SIK3: variants seen among roughly 807,000 people sequenced by gnomAD.
SIK3 encodes the protein SIK family kinase 3.
Under a neutral mutation model 144.2 loss-of-function variants are expected in SIK3, and 28 were observed. The ratio of observed to expected loss-of-function variants is 0.19; its 90% confidence interval spans 0.14 to 0.27. SIK3 has a LOEUF of 0.27. SIK3 is among the 10% of genes least tolerant of loss of function. SIK3 has a pLI of 1.00. For synonymous variants in SIK3, 686 were observed against 676.3 expected (o/e 1.01, Z -0.22); for missense variants, 1,319 against 1,776.0 (o/e 0.74, Z 4.62).
chr11:116,957,983 A>T (rs1949205940), intron 1 of SIK3, among the ~76,000 whole-genome samples: 1 of 152,190 alleles, frequency 6.6e-6, no homozygotes, highest in Admixed American at 6.5e-5. Context: ...ACTTTTAAAA[A>T]TTTACTAAAT....
In SIK3 at chr11:116,847,348, G is replaced by C; in HGVS notation, c.3952+128C>G. 4 of 1,329,836 alleles carry C rather than the reference G, an allele frequency of 3.0e-6. No homozygotes were observed. In the South Asian group the frequency reaches 5.2e-5, roughly 17 times the overall value. The allele number at this position is 1,329,836 out of a possible 1,614,324, so 82.4% of individuals were successfully genotyped here. A position where few individuals can be genotyped will look rare whatever the true frequency, so the allele number is the denominator to read the frequency against. ...CCAGTGGGGAAAGGGGCTGTGTCCA[G>C]AACCTGTGGGATGCTGTGGCTCTAC... On this transcript the variant is annotated intron_variant, in intron 23 of 24. Coordinates refer to ENST00000445177, the MANE Select transcript of SIK3 (RefSeq NM_001366686.3).
intron 13 of SIK3, among the ~76,000 whole-genome samples, chr11:116,871,466 T>C (rs1943968359): frequency 6.6e-6 from 1 of 152,114 alleles, no homozygotes; most frequent in Non-Finnish European, 1.5e-5. Context: ...AATAACACAC[T>C]AAGAAGTTTG....
chr11:116,856,811 T>A (rs982127177), intron 21 of SIK3: 4 of 152,238 alleles, frequency 2.6e-5, no homozygotes, highest in Non-Finnish European at 4.4e-5. Flanking sequence ...CAGGACCGAA[T>A]TCCCCCTGGG....
chr11:117,001,913 A>C (rs2135615560), intron 1 of SIK3, among the ~76,000 whole-genome samples: 1 of 152,330 alleles, frequency 6.6e-6, no homozygotes, highest in African/African-American at 2.4e-5. Context: ...TAAAAAAAGA[A>C]AAATCAGAAG....
chr11:117,092,448 T>A (rs928019180), intron 1 of SIK3, among the ~76,000 whole-genome samples: 2 of 152,156 alleles, frequency 1.3e-5, no homozygotes, highest in Non-Finnish European at 2.9e-5. Context: ...GACCACTCTA[T>A]CTGAGGCAGC....
rs546449234 is a variant in SIK3 at position 116,956,934 on chromosome 11, A to G, written c.390+14T>C. 11 of 1,531,238 alleles carry G rather than the reference A, an allele frequency of 7.2e-6. No homozygotes were observed. The highest frequency in any genetic ancestry group is 2.7e-6 in the Non-Finnish European group (3 of 1,124,342). 94.9% of individuals were successfully genotyped at this position (1,531,238 alleles called of 1,614,324 possible). A position where few individuals can be genotyped will look rare whatever the true frequency, so the allele number is the denominator to read the frequency against. On this transcript the variant is annotated intron_variant, in intron 2 of 24. Transcript: ENST00000445177. ...GGTTCTTTGCAGCTATCTGCTATACACTAATGATCCTACCTGGTAGAGCCT... is the reference window on the plus strand; with the variant it reads ...GGTTCTTTGCAGCTATCTGCTATACGCTAATGATCCTACCTGGTAGAGCCT...
Position 116,875,938 on chromosome 11 carries a change from A to G in SIK3, c.1167T>C (p.His389=). The G allele has an allele frequency of 6.2e-7, 1 of 1,613,382 alleles. No individual in the cohort carries two copies. The highest frequency in any genetic ancestry group is 8.5e-7 in the Non-Finnish European group (1 of 1,179,854). The part of the protein sequence containing the change: ...YSLLCDRHKR[H]KTLRLGALPS... ...GAAGTGCTCCGAGACGCAGGGTTTT[A>G]TGTCTCTTATGTCGATCACACAGCA... The change falls in exon 9 of 25, where the codon CAT becomes CAC. Residue 389 remains histidine (H), a synonymous_variant. Coordinates refer to ENST00000445177, the MANE Select transcript of SIK3 (RefSeq NM_001366686.3).
At chr11:116,912,345 A>G (rs914625241) in intron 4 of SIK3, among the ~76,000 whole-genome samples, 2 of 152,216 alleles carry the variant, frequency 1.3e-5, no homozygotes, top group Non-Finnish European at 2.9e-5. Flanking sequence ...GGATATGTCT[A>G]TGTGGTAAGG....
At chr11:116,863,283 G>A (rs746880946) in intron 16 of SIK3, among the ~76,000 whole-genome samples, 3 of 152,116 alleles carry the variant, frequency 2.0e-5, no homozygotes, top group African/African-American at 4.8e-5. Context: ...ACAGAGTCTC[G>A]TTCTGTTGCC....
At chr11:117,074,901 T>A (rs1954441312) in intron 1 of SIK3, among the ~76,000 whole-genome samples, 1 of 149,202 alleles carries the variant, frequency 6.7e-6, no homozygotes, top group Non-Finnish European at 1.5e-5. Context: ...CACTCCAGCC[T>A]GGGTGACAGA....
intron 1 of SIK3, among the ~76,000 whole-genome samples, chr11:117,029,183 A>G (rs1952149525): frequency 6.6e-6 from 1 of 152,112 alleles, no homozygotes. Flanking sequence ...TGCTGGGATT[A>G]CAGGTGTGAC....
rs76312285 is a variant in SIK3 at position 117,081,894 on chromosome 11, T to A, written c.273+16249A>T. 9.7e-3 allele frequency among the ~76,000 whole-genome samples: 1,471 copies of A among 152,248 alleles called. 24 individuals carry two copies. The highest frequency in any genetic ancestry group is 0.034 in the African/African-American group (1,405 of 41,552). The stretch of plus-strand genomic sequence containing the variant: ...AAATATTTGTAAATCATGTATCCGA[T>A]AAGGGACTTGTATCCCAAACATAAA... On this transcript the variant is annotated intron_variant, in intron 1 of 24. Transcript: ENST00000445177.
At chr11:116,934,552 A>G (rs1395427083) in intron 3 of SIK3, among the ~76,000 whole-genome samples, 1 of 152,238 alleles carries the variant, frequency 6.6e-6, no homozygotes, top group Non-Finnish European at 1.5e-5. Flanking sequence ...TTGAGACAAC[A>G]CAATTTCTTC....
chr11:116,870,554 T>C (rs375045916), intron 13 of SIK3, among the ~76,000 whole-genome samples, 153 bp from the exon 14 acceptor site: 2 of 152,362 alleles, frequency 1.3e-5, no homozygotes, highest in African/African-American at 4.8e-5. Flanking sequence ...TTCATATACC[T>C]ATTTTTCCAT....
At chr11:116,870,535 T>C (rs1943913285) in intron 13 of SIK3, 134 bp from the exon 14 acceptor site, 3 of 1,153,106 alleles carry the variant, frequency 2.6e-6, no homozygotes, top group African/African-American at 1.6e-5. Flanking sequence ...TCCTGGGTTA[T>C]ACAGGATTTT....
intron 1 of SIK3, among the ~76,000 whole-genome samples, chr11:116,985,891 T>C (rs1192431400): frequency 6.6e-6 from 1 of 152,158 alleles, no homozygotes; most frequent in Non-Finnish European, 1.5e-5. Context: ...TTTACTGACA[T>C]GAACCTCAAT....
At chr11:116,887,175 C>T (rs1944865622) in intron 6 of SIK3, among the ~76,000 whole-genome samples, 1 of 149,564 alleles carries the variant, frequency 6.7e-6, no homozygotes, top group African/African-American at 2.5e-5. Context: ...GAGGCAGAGC[C>T]AGGCGGATTG....
At chr11:117,036,079 C>T (rs370200074) in intron 1 of SIK3, 3 of 858,132 alleles carry the variant, frequency 3.5e-6, no homozygotes, top group South Asian at 3.6e-5. Flanking sequence ...TCATCACCGC[C>T]GGAAAGGTTA....
intron 1 of SIK3, among the ~76,000 whole-genome samples, chr11:117,055,668 G>T (rs1212472981): frequency 6.6e-6 from 1 of 152,208 alleles, no homozygotes; most frequent in African/African-American, 2.4e-5. Flanking sequence ...GCACACAAAG[G>T]ACTTGGCTAG....
Sources: allele counts gnomAD v4.1 joint callset (sites outside exome capture counted in the v4.1 genomes callset), GRCh38; gene constraint gnomAD v4.1.1; transcripts MANE v1.5; gene names NCBI Gene and HGNC (gene_info 2026-07-23, HGNC 2026-07-21).